DLG2: variants seen among roughly 807,000 people sequenced by gnomAD.
DLG2 encodes discs large MAGUK scaffold protein 2, also known as disks large homolog 2.
In DLG2, 45 loss-of-function variants were observed where a neutral mutation model predicts 132.5. That is an observed-to-expected ratio of 0.34 (90% CI 0.27 to 0.44). The LOEUF (loss-of-function observed/expected upper bound fraction) is 0.44, where lower values mean the gene tolerates loss of function less well. DLG2 is among the 20% of genes least tolerant of loss of function. The pLI, the probability that DLG2 is intolerant of heterozygous loss-of-function variation, is 1.00. For missense variants in DLG2, 1,045 were observed against 1,196.9 expected (o/e 0.87, Z 1.87); for synonymous variants, 424 against 419.6 (o/e 1.01, Z -0.13).
In DLG2 at chr11:84,720,406, G is replaced by C. The variant is rs916746120; in HGVS notation, c.358-185675C>G. 5 of 985,312 alleles carry C rather than the reference G, an allele frequency of 5.1e-6. No individual in the cohort carries two copies. The African/African-American group carries it at 7.0e-5, about 14-fold the overall frequency. The allele number at this position is 985,312 out of a possible 1,614,324, so 61.0% of individuals were successfully genotyped here. A position where few individuals can be genotyped will look rare whatever the true frequency, so the allele number is the denominator to read the frequency against. ...TTAACAACAGGGGACATTCCTTCCG[G>C]GCTGCGGCAGTGGCAGCTCGCTGGG... is the stretch of plus-strand genomic sequence containing the variant. On this transcript the variant is annotated intron_variant, in intron 6 of 27. Transcript: ENST00000376104.
intron 6 of DLG2, among the ~76,000 whole-genome samples, chr11:84,585,747 GTTGTT>G (rs993798429): frequency 3.3e-5 from 5 of 152,124 alleles, no homozygotes; most frequent in African/African-American, 1.2e-4. Flanking sequence ...TTTTGTTGCT[GTTGTT>G]TTATTTGTAT....
At chr11:84,240,884 T>G (rs1024065543) in intron 8 of DLG2, among the ~76,000 whole-genome samples, 1 of 152,054 alleles carries the variant, frequency 6.6e-6, no homozygotes, top group Non-Finnish European at 1.5e-5. Flanking sequence ...CCTAAATATA[T>G]GAGAAGATAA....
intron 3 of DLG2, among the ~76,000 whole-genome samples, chr11:85,526,092 CT>C (rs140396749): frequency 2.6e-5 from 4 of 152,268 alleles, no homozygotes; most frequent in African/African-American, 9.6e-5. Flanking sequence ...GGTAGAATGC[CT>C]GAGAAGTGTA....
At chr11:84,495,775 T>C (rs1603236008) in intron 7 of DLG2, among the ~76,000 whole-genome samples, 1 of 152,144 alleles carries the variant, frequency 6.6e-6, no homozygotes, top group African/African-American at 2.4e-5. Flanking sequence ...CTCCAAGCTC[T>C]GTGAAGTCAT....
At chr11:85,087,794 C>T (rs531629571) in intron 6 of DLG2, among the ~76,000 whole-genome samples, 1,913 of 139,216 alleles carry the variant, frequency 0.014, 45 homozygotes, top group African/African-American at 0.047. Flanking sequence ...GCCGAGATTG[C>T]GCCACTGCAG....
At chr11:84,802,409 C>T (rs1244675776) in intron 6 of DLG2, among the ~76,000 whole-genome samples, 1 of 152,048 alleles carries the variant, frequency 6.6e-6, no homozygotes, top group Non-Finnish European at 1.5e-5. Context: ...GAAACCTTTA[C>T]TATCCCTAAG....
intron 8 of DLG2, among the ~76,000 whole-genome samples, chr11:84,234,703 T>C (rs2097136645): frequency 3.3e-5 from 5 of 152,206 alleles, no homozygotes. Context: ...CAGGCACAGC[T>C]GACCAGCATT....
chr11:84,762,753 C>G (rs1565897866), intron 6 of DLG2, among the ~76,000 whole-genome samples: 1 of 152,036 alleles, frequency 6.6e-6, no homozygotes, highest in Non-Finnish European at 1.5e-5. Context: ...GAAGTAGGTG[C>G]TTGAGATACA....
intron 3 of DLG2, among the ~76,000 whole-genome samples, chr11:85,451,969 T>C (rs2092263038): frequency 6.6e-6 from 1 of 152,206 alleles, no homozygotes; most frequent in Non-Finnish European, 1.5e-5. Context: ...AGCTGAAATT[T>C]CTTTTTTTTA....
chr11:84,021,943 C>A (rs2095408537), intron 11 of DLG2, among the ~76,000 whole-genome samples: 1 of 152,004 alleles, frequency 6.6e-6, no homozygotes, highest in Admixed American at 6.6e-5. Context: ...GACGGGGTTT[C>A]TCCATGTTGG....
At chr11:83,983,337 T>C (rs1370632565) in intron 11 of DLG2, among the ~76,000 whole-genome samples, 2 of 152,076 alleles carry the variant, frequency 1.3e-5, no homozygotes, top group Non-Finnish European at 2.9e-5. Flanking sequence ...TTCTATAGCT[T>C]ACTTGGCTTA....
rs185210856 is a variant in DLG2 at position 85,398,975 on chromosome 11, A to G, written c.41-113610T>C. Among the ~76,000 whole-genome samples the G allele has an allele frequency of 4.2e-3, 644 of 152,316 alleles. 9 individuals carry two copies. Among genetic ancestry groups the G allele is most frequent in the African/African-American group, 0.014 (597 of 41,576 alleles). ...AAATAAAGGGTATTCAATTAGGAAAAGAGGAAGTCAAATTGTCCCTGTTTG... is the reference window on the plus strand; with the variant it reads ...AAATAAAGGGTATTCAATTAGGAAAGGAGGAAGTCAAATTGTCCCTGTTTG... On this transcript the variant is annotated intron_variant, in intron 3 of 27. Transcript: ENST00000376104.
At chr11:84,692,468 C>T (rs1054250955) in intron 6 of DLG2, among the ~76,000 whole-genome samples, 1 of 151,630 alleles carries the variant, frequency 6.6e-6, no homozygotes. Flanking sequence ...ACAAATACAT[C>T]TGATTTGATT....
chr11:84,303,574 C>T (rs753058459), intron 7 of DLG2, among the ~76,000 whole-genome samples: 5 of 152,166 alleles, frequency 3.3e-5, no homozygotes, highest in Non-Finnish European at 7.4e-5. Context: ...AACTATGATA[C>T]TGTGTAAGAT....
intron 6 of DLG2, among the ~76,000 whole-genome samples, chr11:84,898,578 T>C (rs2090490709): frequency 6.6e-6 from 1 of 151,976 alleles, no homozygotes; most frequent in East Asian, 1.9e-4. Context: ...ATTATTTCTG[T>C]TACTATCCCA....
chr11:84,502,275 C>CTTCT (rs2099215758), intron 7 of DLG2, among the ~76,000 whole-genome samples: 1 of 21,110 alleles, frequency 4.7e-5, no homozygotes, highest in East Asian at 1.1e-3. Flanking sequence ...TCCTTCCTTC[C>CTTCT]TTCCTTCTTT....
chr11:84,990,918 T>G (rs1365913267), intron 6 of DLG2, among the ~76,000 whole-genome samples: 1 of 152,138 alleles, frequency 6.6e-6, no homozygotes, highest in Non-Finnish European at 1.5e-5. Flanking sequence ...GAAACCTGTA[T>G]ATGACTACTG....
chr11:84,732,848 T>A (rs1475134793), intron 6 of DLG2, among the ~76,000 whole-genome samples: 2 of 147,060 alleles, frequency 1.4e-5, no homozygotes, highest in Non-Finnish European at 3.0e-5. Flanking sequence ...TGTCCAAGTG[T>A]TCTCATTGTT....
At chr11:84,519,607 T>G (rs1334478341) in intron 7 of DLG2, among the ~76,000 whole-genome samples, 1 of 152,168 alleles carries the variant, frequency 6.6e-6, no homozygotes, top group African/African-American at 2.4e-5. Context: ...TAGGGGAACC[T>G]GTTGATCTTT....
Sources: gnomAD v4.1 joint callset for allele counts (sites outside exome capture counted in the v4.1 genomes callset) on GRCh38, gnomAD v4.1.1 for gene constraint, MANE v1.5 for transcripts, NCBI Gene and HGNC (gene_info 2026-07-23, HGNC 2026-07-21) for gene names.